SLC16A7: variants seen among roughly 807,000 people sequenced by gnomAD.
SLC16A7 encodes the protein solute carrier family 16 member 7.
In SLC16A7, 33 loss-of-function variants were observed where a neutral mutation model predicts 34.9. That is an observed-to-expected ratio of 0.94 (90% CI 0.72 to 1.26). SLC16A7 has a LOEUF of 1.26. Among genes scored for constraint, SLC16A7 ranks in the 50% most tolerant of loss-of-function variants. SLC16A7 has a pLI of 0.00. For missense variants in SLC16A7, 573 were observed against 578.1 expected, an observed-to-expected ratio of 0.99 and a Z score of 0.09; for synonymous variants, 201 against 206.6, an observed-to-expected ratio of 0.97 and a Z score of 0.23.
chr12:59,644,852 G>A (rs1565629516), intron 1 of SLC16A7, among the ~76,000 whole-genome samples: 1 of 152,102 alleles, frequency 6.6e-6, no homozygotes, highest in Non-Finnish European at 1.5e-5. Flanking sequence ...GCAAACCTGC[G>A]AGGTTTAAGA....
chr12:59,705,805 G>C lies in SLC16A7; in HGVS notation c.217+787G>C, dbSNP rs191308713. ...GTTTTTATTTTTCAAGTGGATATTT[G>C]ACTTTAAGGGATAGATATAGACTCA... On this transcript the variant is annotated intron_variant, in intron 3 of 5. Coordinates refer to ENST00000547379, the MANE Select transcript of SLC16A7 (RefSeq NM_001270623.2). Among the ~76,000 whole-genome samples, 631 of 151,976 alleles carry C rather than the reference G, an allele frequency of 4.2e-3. 14 individuals carry two copies. The highest frequency in any genetic ancestry group is 1.8e-3 in the Non-Finnish European group (120 of 67,940).
chr12:59,600,915 A>G (rs974094573), intron 1 of SLC16A7, among the ~76,000 whole-genome samples: 1 of 152,238 alleles, frequency 6.6e-6, no homozygotes, highest in Admixed American at 6.5e-5. Context: ...AAAGGACCTC[A>G]TGAAAATCCT....
At chr12:59,604,567 A>C (rs907494463) in intron 1 of SLC16A7, among the ~76,000 whole-genome samples, 1 of 152,256 alleles carries the variant, frequency 6.6e-6, no homozygotes, top group African/African-American at 2.4e-5. Flanking sequence ...TTAAGTAAGA[A>C]TAGCTTACAT....
intron 2 of SLC16A7, among the ~76,000 whole-genome samples, chr12:59,683,674 A>G (rs1480527262): frequency 2.0e-5 from 3 of 152,174 alleles, no homozygotes; most frequent in Admixed American, 6.5e-5. Flanking sequence ...TTTAGGAAAA[A>G]GATTACTGCA....
chr12:59,642,330 C>T (rs1011847044), intron 1 of SLC16A7, among the ~76,000 whole-genome samples: 2 of 151,902 alleles, frequency 1.3e-5, no homozygotes, highest in African/African-American at 4.8e-5. Context: ...TATTTCTGCC[C>T]TTCATTCACC....
At chr12:59,708,883 C>T (rs1311429739) in intron 3 of SLC16A7, among the ~76,000 whole-genome samples, 6 of 151,606 alleles carry the variant, frequency 4.0e-5, no homozygotes, top group Non-Finnish European at 8.8e-5. Flanking sequence ...CTTACTTCAT[C>T]CTTAGAATAA....
intron 3 of SLC16A7, among the ~76,000 whole-genome samples, chr12:59,744,647 CA>C (rs1859134892): frequency 1.3e-5 from 2 of 152,140 alleles, no homozygotes; most frequent in East Asian, 3.9e-4. Context: ...CCACCTCATG[CA>C]AAAAGGCAGA....
rs374956082 is a variant in SLC16A7 at position 59,675,744 on chromosome 12, T to C, written c.-31+20494T>C. On this transcript the variant is annotated intron_variant, in intron 2 of 5. Transcript: ENST00000547379. Reference sequence around the variant, plus strand: ...GTAGGGATTATACATTAATGAACTATGCTTCTGATATAAAAAAATTTTTAA... The same window carrying C: ...GTAGGGATTATACATTAATGAACTACGCTTCTGATATAAAAAAATTTTTAA... 3.9e-5 allele frequency among the ~76,000 whole-genome samples: 6 copies of C among 152,296 alleles called. No individual in the cohort carries two copies. The East Asian group carries it at 1.2e-3, about 29-fold the overall frequency.
At chr12:59,647,699 A>G (rs1219067380) in intron 1 of SLC16A7, among the ~76,000 whole-genome samples, 1 of 152,136 alleles carries the variant, frequency 6.6e-6, no homozygotes, top group African/African-American at 2.4e-5. Flanking sequence ...CAGGTAATCA[A>G]GATGTTGTGG....
At chr12:59,700,603 A>G (rs538913679) in intron 2 of SLC16A7, among the ~76,000 whole-genome samples, 3 of 150,884 alleles carry the variant, frequency 2.0e-5, no homozygotes, top group Non-Finnish European at 4.4e-5. Flanking sequence ...TAGTTTATGT[A>G]TTACATATAA....
intron 3 of SLC16A7, among the ~76,000 whole-genome samples, chr12:59,719,440 A>C (rs549494155): frequency 7.8e-4 from 119 of 152,244 alleles, no homozygotes; most frequent in African/African-American, 2.8e-3. Context: ...AGCTTGAAAA[A>C]GATCTATTTT....
In SLC16A7 at chr12:59,779,430, G is replaced by A. The variant is rs773936103; in HGVS notation, c.1188G>A (p.Leu396=). The change falls in exon 6 of 6, where the codon TTG becomes TTA. Residue 396 remains leucine (L), a synonymous_variant. Transcript: ENST00000547379. ...ATGTTCTTTGTCTTCTAGGTAAATT[G>A]GTGGATTTAACTGGAGAATATAAAT... The part of the protein sequence containing the change: ...VLLGPPLAGK[L]VDLTGEYKYM... The A allele has an allele frequency of 5.7e-6, 9 of 1,583,970 alleles. No homozygotes were observed. The highest frequency in any genetic ancestry group is 2.3e-5 in the East Asian group (1 of 44,226).
At chr12:59,690,877 C>T (rs921188957) in intron 2 of SLC16A7, among the ~76,000 whole-genome samples, 2 of 151,608 alleles carry the variant, frequency 1.3e-5, no homozygotes, top group African/African-American at 2.4e-5. Context: ...AAGCACGGAT[C>T]GATTTCTCTT....
intron 3 of SLC16A7, among the ~76,000 whole-genome samples, chr12:59,726,891 A>G (rs1014501562): frequency 5.3e-5 from 8 of 152,136 alleles, no homozygotes; most frequent in African/African-American, 1.9e-4. Flanking sequence ...CTAGAGATTT[A>G]TGCTTTATGA....
chr12:59,597,658 T>A (rs1267941170), intron 1 of SLC16A7, among the ~76,000 whole-genome samples: 1 of 152,172 alleles, frequency 6.6e-6, no homozygotes, highest in East Asian at 1.9e-4. Context: ...AAGTGACTAA[T>A]ATTTAGCTCT....
intron 3 of SLC16A7, among the ~76,000 whole-genome samples, chr12:59,747,439 A>G (rs1879016677): frequency 6.6e-6 from 1 of 152,188 alleles, no homozygotes; most frequent in Non-Finnish European, 1.5e-5. Flanking sequence ...ATATTTTTCT[A>G]ATTAATTGTT....
Position 59,780,148 on chromosome 12 carries a change from T to G in SLC16A7, c.*469T>G, listed in dbSNP as rs1258191266. 1 of 152,682 alleles carries G rather than the reference T, an allele frequency of 6.5e-6. No homozygotes were observed. Among genetic ancestry groups the G allele is most frequent in the East Asian group, 1.9e-4 (1 of 5,176 alleles). The allele number at this position is 152,682 out of a possible 1,614,324, so 9.5% of individuals were successfully genotyped here. On this transcript the variant is annotated 3_prime_UTR_variant, in exon 6 of 6. Coordinates refer to ENST00000547379, the MANE Select transcript of SLC16A7 (RefSeq NM_001270623.2). ...CCCTCTTACACACAAACACACATAC[T>G]CCCACATACTTACCCACATGTACAC...
rs1035645404 is a variant in SLC16A7, at chr12:59,784,081, T to C, written c.*4402T>C. 2.6e-5 allele frequency: 4 copies of C among 152,326 alleles called. No homozygotes were observed. Among genetic ancestry groups the C allele is most frequent in the African/African-American group, 9.6e-5 (4 of 41,576 alleles). 9.4% of individuals were successfully genotyped at this position (152,326 alleles called of 1,614,324 possible). ...ACATAATTACTTCAATATGACTCTT[T>C]TTCTCATAAAAATAATGACATATTT... On this transcript the variant is annotated 3_prime_UTR_variant, in exon 6 of 6. Transcript: ENST00000547379.
intron 1 of SLC16A7, among the ~76,000 whole-genome samples, chr12:59,616,741 A>G (rs1164729680): frequency 2.0e-5 from 3 of 152,190 alleles, no homozygotes; most frequent in Non-Finnish European, 1.5e-5. Flanking sequence ...TGGAAATTAA[A>G]GGAATTTTAT....
Sources: allele counts gnomAD v4.1 joint callset (sites outside exome capture counted in the v4.1 genomes callset), GRCh38; gene constraint gnomAD v4.1.1; transcripts MANE v1.5; gene names NCBI Gene and HGNC (gene_info 2026-07-23, HGNC 2026-07-21).